The following SLC16A10 variants were observed in gnomAD, a reference collection of about 807,000 sequenced individuals.
SLC16A10 encodes monocarboxylate transporter 10.
SLC16A10 carries 27 observed loss-of-function variants against 40.0 expected under a neutral mutation model. The ratio of observed to expected loss-of-function variants is 0.67; its 90% CI spans 0.50 to 0.93. The LOEUF is 0.93. Among genes scored for constraint, SLC16A10 ranks in the 40% least tolerant of loss-of-function variants. The probability of loss-of-function intolerance (pLI) is 0.00; values close to 1 mark genes in which losing one functional copy is unlikely to be tolerated. For missense variants in SLC16A10, 529 were observed against 658.2 expected, an observed-to-expected ratio of 0.80 and a Z score of 2.15; for synonymous variants, 213 against 249.8, an observed-to-expected ratio of 0.85 and a Z score of 1.39.
chr6:111,090,181 T>C (rs1770950296), intron 1 of SLC16A10, among the ~76,000 whole-genome samples: 2 of 152,200 alleles, frequency 1.3e-5, no homozygotes, highest in Admixed American at 1.3e-4. Context: ...GTTCAGTCTT[T>C]GACAACTTTT....
chr6:111,186,361 A>G (rs890993138), intron 3 of SLC16A10, among the ~76,000 whole-genome samples: 19 of 152,238 alleles, frequency 1.2e-4, no homozygotes, highest in African/African-American at 4.6e-4. Context: ...AAGTTTGAGG[A>G]ACCTAAATTA....
chr6:111,182,310 C>CTTTTTTTTTTTTTTTTTTTTTTTTTTT, intron 3 of SLC16A10, among the ~76,000 whole-genome samples: 1 of 103,624 alleles, frequency 9.7e-6, no homozygotes, highest in Non-Finnish European at 1.8e-5. Context: ...CTCTGGGTTT[C>CTTTTTTTTTTTTTTTTTTTTTTTTTTT]TTTTTTTTTT....
chr6:111,218,219 A>AT (rs998826372), intron 4 of SLC16A10, among the ~76,000 whole-genome samples: 39 of 150,542 alleles, frequency 2.6e-4, no homozygotes, highest in Middle Eastern at 3.4e-3. Flanking sequence ...CCAAAGATGA[A>AT]TTTTTTTTTT....
At chr6:111,090,598 C>T (rs1397155741) in intron 1 of SLC16A10, among the ~76,000 whole-genome samples, 1 of 152,136 alleles carries the variant, frequency 6.6e-6, no homozygotes, top group Non-Finnish European at 1.5e-5. Context: ...CTCTCTCTTC[C>T]CCTGTCCCCT....
rs1771059869 is a variant in SLC16A10, at chr6:111,229,051, AGTG to A, written c.*6817_*6819del. 7.0e-6 allele frequency: 1 copy of A among 143,078 alleles called. No individual in the cohort carries two copies. Among genetic ancestry groups the A allele is most frequent in the Admixed American group, 7.0e-5 (1 of 14,190 alleles). The allele number at this position is 143,078 out of a possible 1,614,324, so 8.9% of individuals were successfully genotyped here. A position where few individuals can be genotyped will look rare whatever the true frequency, so the allele number is the denominator to read the frequency against. Reference sequence around the variant, plus strand: ...TCTCAAAAAAAAAAAAAAAAAAAATAGTGCTGCATTTTGACCCTGGACTATGAA... The same window carrying A: ...TCTCAAAAAAAAAAAAAAAAAAAATACTGCATTTTGACCCTGGACTATGAA... On this transcript the variant is annotated 3_prime_UTR_variant, in exon 6 of 6. Transcript: ENST00000368851.
At chr6:111,203,859 C>G (rs983882312) in intron 3 of SLC16A10, among the ~76,000 whole-genome samples, 1 of 151,826 alleles carries the variant, frequency 6.6e-6, no homozygotes, top group East Asian at 1.9e-4. Flanking sequence ...CCTTATTATT[C>G]TTTTTAAGGA....
At chr6:111,141,245 C>A (rs561256902) in intron 1 of SLC16A10, among the ~76,000 whole-genome samples, 12 of 152,084 alleles carry the variant, frequency 7.9e-5, no homozygotes, top group Admixed American at 1.3e-4. Context: ...TTAGCAAAAT[C>A]AGTGTGTTAG....
intron 3 of SLC16A10, among the ~76,000 whole-genome samples, chr6:111,183,372 A>G (rs1415397499): frequency 6.6e-6 from 1 of 152,196 alleles, no homozygotes; most frequent in Non-Finnish European, 1.5e-5. Flanking sequence ...TACTATCCGT[A>G]TATTTACACG....
rs574376614 is a variant in SLC16A10 at position 111,193,250 on chromosome 6, G to A, written c.943-13342G>A. 7.1e-6 allele frequency: 7 copies of A among 982,586 alleles called. No individual in the cohort carries two copies. The South Asian group carries it at 2.8e-4, about 40-fold the overall frequency. The allele number at this position is 982,586 out of a possible 1,614,324, so 60.9% of individuals were successfully genotyped here. Reference sequence around the variant, plus strand: ...TTTCAATGATGTCTATGCTTTTCTTGTTTTTTTCTAGCTTTTCTAACCTTG... The same window carrying A: ...TTTCAATGATGTCTATGCTTTTCTTATTTTTTTCTAGCTTTTCTAACCTTG... On this transcript the variant is annotated intron_variant, in intron 3 of 5. Coordinates refer to ENST00000368851, the MANE Select transcript of SLC16A10 (RefSeq NM_018593.5).
At chr6:111,153,946 A>G (rs1183500804) in intron 1 of SLC16A10, among the ~76,000 whole-genome samples, 3 of 152,206 alleles carry the variant, frequency 2.0e-5, no homozygotes, top group Non-Finnish European at 4.4e-5. Context: ...GCAAAGGTTC[A>G]CTACTGGGGG....
chr6:111,216,632 A>G (rs1421075541), intron 4 of SLC16A10, among the ~76,000 whole-genome samples: 5 of 148,112 alleles, frequency 3.4e-5, no homozygotes, highest in South Asian at 2.1e-4. Context: ...AGCCAGGATG[A>G]TCTTGATCTC....
chr6:111,107,956 TC>T (rs1387360009), intron 1 of SLC16A10, among the ~76,000 whole-genome samples: 1 of 151,692 alleles, frequency 6.6e-6, no homozygotes, highest in African/African-American at 2.4e-5. Flanking sequence ...TTCCCGGTCA[TC>T]CTCTCATCAA....
At chr6:111,136,486 C>A (rs1347516916) in intron 1 of SLC16A10, among the ~76,000 whole-genome samples, 1 of 152,226 alleles carries the variant, frequency 6.6e-6, no homozygotes, top group Non-Finnish European at 1.5e-5. Flanking sequence ...CTAAAGAAGA[C>A]TGGTGGCTGT....
chr6:111,165,826 G>C (rs551977328), intron 1 of SLC16A10, among the ~76,000 whole-genome samples: 6 of 152,354 alleles, frequency 3.9e-5, no homozygotes, highest in African/African-American at 1.4e-4. Context: ...ATATTAGCCA[G>C]AAAGTACTCA....
intron 1 of SLC16A10, among the ~76,000 whole-genome samples, chr6:111,157,075 C>T (rs1257649932): frequency 2.0e-5 from 3 of 151,954 alleles, no homozygotes; most frequent in Non-Finnish European, 4.4e-5. Flanking sequence ...CGCGCCACCA[C>T]ACCCAGCTAA....
At chr6:111,143,769 CGTT>C (rs1772026183) in intron 1 of SLC16A10, among the ~76,000 whole-genome samples, 1 of 152,078 alleles carries the variant, frequency 6.6e-6, no homozygotes, top group Non-Finnish European at 1.5e-5. Flanking sequence ...GGTGGACACA[CGTT>C]GTATATTTGT....
At chr6:111,115,366 C>T (rs972042038) in intron 1 of SLC16A10, among the ~76,000 whole-genome samples, 6 of 152,176 alleles carry the variant, frequency 3.9e-5, no homozygotes, top group East Asian at 3.9e-4. Context: ...CCTGCCATCA[C>T]GCCGGCTAAT....
At chr6:111,161,222 C>CAAAAAAAAAAAAAAAA (rs57463212) in intron 1 of SLC16A10, among the ~76,000 whole-genome samples, 1 of 42,426 alleles carries the variant, frequency 2.4e-5, no homozygotes, top group Non-Finnish European at 4.0e-5. Flanking sequence ...GACAGTGTCT[C>CAAAAAAAAAAAAAAAA]AAAAAAAAAA....
At chr6:111,101,323 C>T (rs1413267976) in intron 1 of SLC16A10, among the ~76,000 whole-genome samples, 1 of 151,982 alleles carries the variant, frequency 6.6e-6, no homozygotes, top group Non-Finnish European at 1.5e-5. Context: ...TGAGCCACTG[C>T]GCCCAGCCTA....
Sources: allele counts gnomAD v4.1 joint callset (sites outside exome capture counted in the v4.1 genomes callset), GRCh38; gene constraint gnomAD v4.1.1; transcripts MANE v1.5; gene names NCBI Gene and HGNC (gene_info 2026-07-23, HGNC 2026-07-21).